VCL: variants seen among roughly 807,000 people sequenced by gnomAD.
VCL encodes the protein vinculin.
A neutral mutation model predicts 125.7 loss-of-function variants in VCL; 47 were observed. The ratio of observed to expected loss-of-function variants is 0.37; its 90% CI spans 0.30 to 0.48. The LOEUF (loss-of-function observed/expected upper bound fraction) is 0.48. Among genes scored for constraint, VCL ranks in the 20% least tolerant of loss-of-function variants. The pLI, the probability that VCL is intolerant of heterozygous loss-of-function variation, is 0.99. For synonymous variants in VCL, 458 were observed against 514.6 expected (o/e 0.89, Z 1.49); for missense variants, 1,069 against 1,455.5 (o/e 0.73, Z 4.32).
intron 2 of VCL, among the ~76,000 whole-genome samples, chr10:74,048,944 T>C (rs1279465734): frequency 6.6e-6 from 1 of 152,004 alleles, no homozygotes; most frequent in South Asian, 2.1e-4. Context: ...CCGTCTCTAC[T>C]AAAAATACAA....
At chr10:74,110,851 T>C (rs1232692443) in intron 18 of VCL, among the ~76,000 whole-genome samples, 1 of 152,168 alleles carries the variant, frequency 6.6e-6, no homozygotes, top group Non-Finnish European at 1.5e-5. Context: ...TTTCTTTCCA[T>C]GTTAGTCTAT....
chr10:74,008,150 T>A (rs183417213), intron 1 of VCL, among the ~76,000 whole-genome samples: 198 of 152,304 alleles, frequency 1.3e-3, no homozygotes, highest in African/African-American at 4.6e-3. Context: ...TATTTTTATT[T>A]ATAACATATA....
At chr10:74,087,649 C>T (rs895392339) in intron 8 of VCL, among the ~76,000 whole-genome samples, 24 of 150,478 alleles carry the variant, frequency 1.6e-4, no homozygotes, top group Non-Finnish European at 1.6e-4. Context: ...CGTGAGCCAC[C>T]GCGCCTGGCC....
intron 1 of VCL, among the ~76,000 whole-genome samples, chr10:74,036,045 A>AG (rs538638180): frequency 8.1e-4 from 123 of 152,282 alleles, no homozygotes; most frequent in Middle Eastern, 3.4e-3. Context: ...TGGTATTTGA[A>AG]GGGGGTCATG....
chr10:74,084,961 G>C (rs1007052176), intron 8 of VCL, among the ~76,000 whole-genome samples: 5 of 152,180 alleles, frequency 3.3e-5, no homozygotes, highest in African/African-American at 1.2e-4. Context: ...CCAGGCTCAA[G>C]TGCAGTGGTA....
At chr10:74,006,748 A>C (rs1033433642) in intron 1 of VCL, among the ~76,000 whole-genome samples, 1 of 152,228 alleles carries the variant, frequency 6.6e-6, no homozygotes, top group African/African-American at 2.4e-5. Context: ...CTATGTGTAT[A>C]TGAAACATAA....
chr10:74,116,652 C>T (rs1371644464), intron 21 of VCL, among the ~76,000 whole-genome samples: 1 of 150,026 alleles, frequency 6.7e-6, no homozygotes, highest in East Asian at 1.9e-4. Flanking sequence ...TGCCATTGCA[C>T]TCCAGCCTAG....
intron 1 of VCL, among the ~76,000 whole-genome samples, chr10:74,008,599 T>C (rs1041230803): frequency 6.6e-6 from 1 of 152,332 alleles, no homozygotes; most frequent in South Asian, 2.1e-4. Context: ...CTGAACCATA[T>C]GGCAAGAGAC....
intron 2 of VCL, among the ~76,000 whole-genome samples, chr10:74,066,573 ATAAT>A (rs1186462541): frequency 6.6e-6 from 1 of 152,184 alleles, no homozygotes; most frequent in Non-Finnish European, 1.5e-5. Flanking sequence ...AATCAAGAAA[ATAAT>A]TAACAACATT....
intron 1 of VCL, among the ~76,000 whole-genome samples, chr10:74,003,527 T>G (rs1840267675): frequency 6.6e-6 from 1 of 152,216 alleles, no homozygotes; most frequent in South Asian, 2.1e-4. Flanking sequence ...TCAGATACTT[T>G]GCTTTCTCCA....
At chr10:74,044,326 C>G (rs997418762) in intron 2 of VCL, among the ~76,000 whole-genome samples, 1 of 151,554 alleles carries the variant, frequency 6.6e-6, no homozygotes, top group Non-Finnish European at 1.5e-5. Flanking sequence ...AAGTTGTAAG[C>G]AAAAGTAAAA....
At chr10:74,055,129 G>A (rs939599884) in intron 2 of VCL, among the ~76,000 whole-genome samples, 48 of 151,888 alleles carry the variant, frequency 3.2e-4, no homozygotes, top group Middle Eastern at 3.4e-3. Flanking sequence ...GTGGAAACCC[G>A]TCTCTACTAA....
At position 74,066,061 on chromosome 10, in the gene VCL, A is replaced by ATATATATATAT. The variant is rs1441211975; in HGVS notation, c.240-4608_240-4607insATATATATATT. 4.4e-4 allele frequency among the ~76,000 whole-genome samples: 60 copies of ATATATATATAT among 137,468 alleles called. 1 individual carries two copies. Among genetic ancestry groups the ATATATATATAT allele is most frequent in the African/African-American group, 1.6e-3 (60 of 37,914 alleles). The allele number at this position is 137,468 out of a possible 152,430, so 90.2% of individuals were successfully genotyped here. On this transcript the variant is annotated intron_variant, in intron 2 of 21. Transcript: ENST00000211998. ...AATCAATTTTGGTATATATATATAT[A>ATATATATATAT]TTTTTTTTTTTTTTTGAGATGGAGT...
chr10:74,113,607 A>C (rs185952124), intron 19 of VCL, among the ~76,000 whole-genome samples: 1 of 150,744 alleles, frequency 6.6e-6, no homozygotes, highest in Non-Finnish European at 1.5e-5. Flanking sequence ...CACCCAGCTG[A>C]GAATAGTTAC....
chr10:74,083,307 A>G (rs989855231), intron 7 of VCL, 59 bp from the exon 8 acceptor site: 1 of 1,604,746 alleles, frequency 6.2e-7, no homozygotes, highest in African/African-American at 1.3e-5. Context: ...CTTGTAAAGT[A>G]TCCTCTCTAA....
chr10:74,034,472 T>G (rs1840936618), intron 1 of VCL, among the ~76,000 whole-genome samples: 1 of 152,216 alleles, frequency 6.6e-6, no homozygotes, highest in African/African-American at 2.4e-5. Context: ...TCTCTTCCTC[T>G]GTGAAACTTC....
At chr10:74,087,185 C>G (rs1038364199) in intron 8 of VCL, among the ~76,000 whole-genome samples, 1 of 151,910 alleles carries the variant, frequency 6.6e-6, no homozygotes, top group African/African-American at 2.4e-5. Context: ...TCTTCTGCCA[C>G]ATAAAAGGAA....
chr10:74,053,238 C>T (rs1207525235), intron 2 of VCL, among the ~76,000 whole-genome samples: 6 of 152,028 alleles, frequency 3.9e-5, no homozygotes, highest in African/African-American at 1.4e-4. Flanking sequence ...TAAAAAGAAA[C>T]TCGCTCAGTT....
rs141633935 is a variant in VCL, at chr10:74,052,374, GTT to G, written c.239+9240_239+9241del. 8.9e-4 allele frequency among the ~76,000 whole-genome samples: 101 copies of G among 113,014 alleles called. 1 individual carries two copies. Among genetic ancestry groups the G allele is most frequent in the Non-Finnish European group, 1.1e-3 (59 of 53,980 alleles). The allele number at this position is 113,014 out of a possible 152,430, so 74.1% of individuals were successfully genotyped here. On this transcript the variant is annotated intron_variant, in intron 2 of 21. Transcript: ENST00000211998. ...AATAAATGATTCAATTCTTCAGTTA[GTT>G]TTTTTTTTTTTTTTTTTTGAGACGG...
Sources: gnomAD v4.1 joint callset for allele counts (sites outside exome capture counted in the v4.1 genomes callset) on GRCh38, gnomAD v4.1.1 for gene constraint, MANE v1.5 for transcripts, NCBI Gene and HGNC (gene_info 2026-07-23, HGNC 2026-07-21) for gene names.